PROM1: variants seen among roughly 807,000 people sequenced by gnomAD.
PROM1 encodes prominin-1.
Under a neutral mutation model 116.9 loss-of-function variants are expected in PROM1, and 105 were observed. That is an observed-to-expected ratio of 0.90 (90% confidence interval 0.77 to 1.06). The LOEUF is 1.06. PROM1 is among the 50% of genes least tolerant of loss of function. The pLI, the probability that PROM1 is intolerant of heterozygous loss-of-function variation, is 0.00. For synonymous variants in PROM1, 393 were observed against 387.0 expected, an observed-to-expected ratio of 1.02 and a Z score of -0.18; for missense variants, 1,122 against 1,045.2, an observed-to-expected ratio of 1.07 and a Z score of -1.01.
At chr4:16,016,025 T>C in intron 10 of PROM1, 141 bp downstream of exon 10, 3 of 702,612 alleles carry the variant, frequency 4.3e-6, no homozygotes, top group Non-Finnish European at 7.1e-6. Context: ...CACAATTGCC[T>C]GGAAGGTAAT....
chr4:16,004,713 T>C lies in PROM1; in HGVS notation c.1454+1825A>G, dbSNP rs185265349. Among the ~76,000 whole-genome samples, 12 of 152,356 alleles carry C rather than the reference T, an allele frequency of 7.9e-5. No homozygotes were observed. The East Asian group carries it at 2.1e-3, about 27-fold the overall frequency. ...TTTAATGTATTTTTGTGTATCTGTG[T>C]ACATTTGAACAAGAAGGGAAGACAA... On this transcript the variant is annotated intron_variant, in intron 13 of 27. Coordinates refer to ENST00000447510, the MANE Select transcript of PROM1 (RefSeq NM_006017.3).
chr4:15,980,452 C>T lies in PROM1; in HGVS notation c.2459G>A (p.Arg820His), dbSNP rs754410636. The change falls in exon 24 of 28, where the codon CGT (arginine) becomes CAT (histidine). Residue 820 changes from arginine (R) to histidine (H), a missense_variant. Physicochemically the swap from Arg to His is conservative, Grantham distance 29. Transcript: ENST00000447510. ...GTACACGTCCTCCGAATCCATTCGA[C>T]GATAGTACTTAGCCAGTTTTACCGC... ...IFAVKLAKYY[R>H]RMDSEDVYDD... 8.4e-6 allele frequency: 13 copies of T among 1,554,430 alleles called. No homozygotes were observed. The highest frequency in any genetic ancestry group is 4.8e-5 in the South Asian group (4 of 84,182).
rs1052770352 is a variant in PROM1, at chr4:16,000,796, T to C, written c.1455-177A>G. Among the ~76,000 whole-genome samples, 50 of 150,798 alleles carry C rather than the reference T, an allele frequency of 3.3e-4. 1 individual carries two copies. The highest frequency in any genetic ancestry group is 1.2e-3 in the African/African-American group (50 of 40,828). Reference sequence around the variant, plus strand: ...GCTTGGGGACCTGGAGAGGGGCAGCTCCAGGACAGGCAAGGGTACACTGGA... The same window carrying C: ...GCTTGGGGACCTGGAGAGGGGCAGCCCCAGGACAGGCAAGGGTACACTGGA... On this transcript the variant is annotated intron_variant, in intron 13 of 27. Coordinates refer to ENST00000447510, the MANE Select transcript of PROM1 (RefSeq NM_006017.3).
At chr4:15,975,760 GC>G (rs1715953079) in intron 26 of PROM1, among the ~76,000 whole-genome samples, 1 of 152,194 alleles carries the variant, frequency 6.6e-6, no homozygotes, top group Non-Finnish European at 1.5e-5. Context: ...TTCACTGACT[GC>G]CTGTAGACGG....
At chr4:16,054,042 C>T (rs1738445054) in intron 2 of PROM1, among the ~76,000 whole-genome samples, 1 of 152,162 alleles carries the variant, frequency 6.6e-6, no homozygotes, top group African/African-American at 2.4e-5. Flanking sequence ...TGCAGTGAGC[C>T]AGGATTGTGC....
intron 2 of PROM1, among the ~76,000 whole-genome samples, chr4:16,064,127 C>T (rs1740971990): frequency 6.6e-6 from 1 of 152,058 alleles, no homozygotes; most frequent in African/African-American, 2.4e-5. Flanking sequence ...TAGATATATG[C>T]CCGGCAGAAA....
intron 8 of PROM1, among the ~76,000 whole-genome samples, chr4:16,022,702 G>C (rs915376984): frequency 3.9e-5 from 6 of 152,248 alleles, no homozygotes; most frequent in African/African-American, 1.4e-4. Flanking sequence ...CTCAACATTA[G>C]GAAGGGCCTA....
intron 2 of PROM1, among the ~76,000 whole-genome samples, chr4:16,057,556 CTT>C (rs1209699845): frequency 6.6e-6 from 1 of 152,220 alleles, no homozygotes. Flanking sequence ...TCAACAGAAT[CTT>C]TGTCTCTCCA....
chr4:16,035,595 T>C (rs1284554778), intron 4 of PROM1, 140 bp downstream of exon 4: 2 of 833,234 alleles, frequency 2.4e-6, no homozygotes, highest in Non-Finnish European at 4.1e-6. Context: ...TACAGAGATA[T>C]CTTTCTTCAA....
chr4:15,997,793 G>A lies in PROM1; in HGVS notation c.1682+592C>T, dbSNP rs1577924258. On this transcript the variant is annotated intron_variant, in intron 15 of 27. Transcript: ENST00000447510. The stretch of plus-strand genomic sequence containing the variant: ...ATGAACAATATTAAGAACAGGTATT[G>A]TTTATCAAGTCCAAATGATGTGTCA... 3.9e-5 allele frequency among the ~76,000 whole-genome samples: 6 copies of A among 152,146 alleles called. 1 individual carries two copies. In the South Asian group the frequency reaches 1.0e-3, roughly 26 times the overall value.
intron 11 of PROM1, 104 bp from the exon 12 acceptor site, chr4:16,009,212 A>G: frequency 2.3e-6 from 2 of 882,174 alleles, no homozygotes; most frequent in Non-Finnish European, 3.5e-6. Context: ...AGTTTTTCTC[A>G]TGTCATGTAT....
At chr4:16,013,141 T>C in intron 11 of PROM1, 134 bp downstream of exon 11, 1 of 700,838 alleles carries the variant, frequency 1.4e-6, no homozygotes, top group Non-Finnish European at 2.5e-6. Context: ...TGTAAAGCTC[T>C]GATATTTGTT....
chr4:16,073,201 G>T (rs1013990718), intron 2 of PROM1, among the ~76,000 whole-genome samples: 2 of 152,132 alleles, frequency 1.3e-5, no homozygotes, highest in Non-Finnish European at 2.9e-5. Flanking sequence ...CAAATGAAAG[G>T]ATATATCTAT....
chr4:15,988,683 C>T (rs1720142964), intron 19 of PROM1, among the ~76,000 whole-genome samples: 2 of 152,058 alleles, frequency 1.3e-5, no homozygotes, highest in African/African-American at 4.8e-5. Flanking sequence ...CCAAAGGGTC[C>T]TGTGTACTTG....
intron 2 of PROM1, among the ~76,000 whole-genome samples, chr4:16,045,633 C>T (rs1736373584): frequency 6.6e-6 from 1 of 152,146 alleles, no homozygotes; most frequent in Non-Finnish European, 1.5e-5. Context: ...TGAGAAAAAA[C>T]AAAACAAAAC....
intron 26 of PROM1, among the ~76,000 whole-genome samples, chr4:15,976,597 A>G (rs1420104336): frequency 6.6e-6 from 1 of 152,270 alleles, no homozygotes; most frequent in Non-Finnish European, 1.5e-5. Context: ...GCTGGGGATT[A>G]GCCAGAGTCC....
chr4:15,989,788 C>A lies in PROM1; in HGVS notation c.2020G>T (p.Ala674Ser), dbSNP rs775321230. 2 of 1,609,134 alleles carry A rather than the reference C, an allele frequency of 1.2e-6. No homozygotes were observed. Among genetic ancestry groups the A allele is most frequent in the Admixed American group, 1.7e-5 (1 of 59,430 alleles). ...GNLRNSLKRDAQTIKTIHQQR... is the reference protein window; with the variant it reads ...GNLRNSLKRDSQTIKTIHQQR... ...TGGTGAATTGTTTTAATAGTTTGTG[C>A]ATCTCTTTTCAGGGAGTTCCTCAAA... is the stretch of plus-strand genomic sequence containing the variant. The change falls in exon 19 of 28, where the codon GCA becomes TCA. Residue 674 changes from alanine to serine, a missense_variant. Transcript: ENST00000447510.
At chr4:15,986,370 G>C (rs1299495534) in intron 20 of PROM1, among the ~76,000 whole-genome samples, 1 of 152,112 alleles carries the variant, frequency 6.6e-6, no homozygotes, top group Non-Finnish European at 1.5e-5. Context: ...CGGTCACCAT[G>C]CTGGGGAAAC....
chr4:16,002,960 A>G (rs766184810), intron 13 of PROM1, among the ~76,000 whole-genome samples: 6 of 152,226 alleles, frequency 3.9e-5, no homozygotes, highest in African/African-American at 1.2e-4. Flanking sequence ...GAGTAAGATG[A>G]AAGAGCAAAA....
Sources: gnomAD v4.1 joint callset for allele counts (sites outside exome capture counted in the v4.1 genomes callset) on GRCh38, gnomAD v4.1.1 for gene constraint, MANE v1.5 for transcripts, NCBI Gene and HGNC (gene_info 2026-07-23, HGNC 2026-07-21) for gene names.